The following ZW10 variants were observed in gnomAD, a reference collection of about 807,000 sequenced individuals.
The protein encoded by ZW10 is centromere/kinetochore protein zw10 homolog.
A neutral mutation model predicts 87.8 loss-of-function variants in ZW10; 53 were observed. The ratio of observed to expected loss-of-function variants is 0.60; its 90% CI spans 0.48 to 0.76. The LOEUF is 0.76. Ranked by LOEUF, ZW10 falls within the 30% of genes least tolerant of loss-of-function variation. The pLI, the probability that ZW10 is intolerant of heterozygous loss-of-function variation, is 0.00. For missense variants in ZW10, 837 were observed against 923.0 expected, an observed-to-expected ratio of 0.91 and a Z score of 1.21; for synonymous variants, 312 against 329.2, an observed-to-expected ratio of 0.95 and a Z score of 0.57.
At chr11:113,744,204 G>T (rs904150093) in intron 9 of ZW10, among the ~76,000 whole-genome samples, 164 bp from the exon 10 acceptor site, 3 of 152,112 alleles carry the variant, frequency 2.0e-5, no homozygotes, top group Non-Finnish European at 4.4e-5. Context: ...TGGCTAACAC[G>T]GTGAAACCCC....
At chr11:113,754,321 C>T (rs1343780334) in intron 7 of ZW10, among the ~76,000 whole-genome samples, 1 of 152,018 alleles carries the variant, frequency 6.6e-6, no homozygotes, top group Non-Finnish European at 1.5e-5. Context: ...CCCGTCTCTA[C>T]TAAAATTACA....
chr11:113,749,309 T>C (rs1035925722), intron 7 of ZW10, among the ~76,000 whole-genome samples: 2 of 152,258 alleles, frequency 1.3e-5, no homozygotes, highest in African/African-American at 4.8e-5. Context: ...AACCACATTT[T>C]GCTACTAAAC....
Position 113,748,405 on chromosome 11 carries a change from G to C in ZW10, c.941C>G (p.Thr314Ser), listed in dbSNP as rs369570229. 6 of 1,588,736 alleles carry C rather than the reference G, an allele frequency of 3.8e-6. No individual in the cohort carries two copies. The highest frequency in any genetic ancestry group is 5.1e-6 in the Non-Finnish European group (6 of 1,172,274). ...QKQLLDLPLD[T>S]DLENEKTSTV... ...AGATGTTTTTTCATTTTCCAGGTCA[G>C]TGTCAAGTGGCAAATCTGAATTTTT... The change falls in exon 8 of 16, where the codon ACT (threonine) becomes AGT (serine). Residue 314 changes from threonine to serine, a missense_variant. Transcript: ENST00000200135.
intron 2 of ZW10, 99 bp from the exon 3 acceptor site, chr11:113,761,017 T>C (rs1407961484): frequency 3.8e-5 from 33 of 876,398 alleles, no homozygotes; most frequent in South Asian, 6.8e-5. Context: ...TCAACATAAT[T>C]TATGTTGAAA....
intron 5 of ZW10, among the ~76,000 whole-genome samples, chr11:113,759,797 G>C (rs1953837445): frequency 6.6e-6 from 1 of 152,180 alleles, no homozygotes; most frequent in South Asian, 2.1e-4. Flanking sequence ...CTAAGCAAGA[G>C]AGAGAATGGC....
chr11:113,735,291 G>A (rs1343501945), intron 15 of ZW10, among the ~76,000 whole-genome samples: 1 of 152,148 alleles, frequency 6.6e-6, no homozygotes, highest in East Asian at 1.9e-4. Context: ...CTGCAAGAAA[G>A]CCCTTTAACA....
intron 1 of ZW10, among the ~76,000 whole-genome samples, chr11:113,772,457 A>G (rs1415486741): frequency 1.3e-5 from 2 of 152,192 alleles, no homozygotes; most frequent in Non-Finnish European, 2.9e-5. Context: ...GTGTGTGGCA[A>G]ACTTGCTCCC....
chr11:113,748,768 CTTAT>C (rs1376713957), intron 7 of ZW10, among the ~76,000 whole-genome samples: 1 of 152,150 alleles, frequency 6.6e-6, no homozygotes, highest in Non-Finnish European at 1.5e-5. Flanking sequence ...TAAAATCTCA[CTTAT>C]TTAATAATGA....
chr11:113,738,511 G>T, intron 12 of ZW10, 117 bp from the exon 13 acceptor site: 1 of 968,072 alleles, frequency 1.0e-6, no homozygotes. Context: ...AAAAATAATT[G>T]CTAGATAATA....
intron 2 of ZW10, among the ~76,000 whole-genome samples, chr11:113,761,486 G>A (rs1953859172): frequency 1.3e-5 from 2 of 152,056 alleles, no homozygotes; most frequent in Admixed American, 6.6e-5. Flanking sequence ...CTGCCATGTT[G>A]TCCAGGCTGG....
At chr11:113,771,526 AC>A (rs1953968211) in intron 1 of ZW10, 1 of 152,204 alleles carries the variant, frequency 6.6e-6, no homozygotes, top group Non-Finnish European at 1.5e-5. Flanking sequence ...GTGAAATCTT[AC>A]GTGTAATTGT....
At position 113,743,936 on chromosome 11, in the gene ZW10, C is replaced by T. The variant is rs771691956; in HGVS notation, c.1377G>A (p.Met459Ile). 1 of 1,614,198 alleles carries T rather than the reference C, an allele frequency of 6.2e-7. No individual in the cohort carries two copies. ...KVSNTQYHEV[M>I]NLEPENTLDQ... ...CCAATGTATTTTCAGGCTCTAAATT[C>T]ATCACTTCGTGGTACTGAGTATTGG... is the stretch of plus-strand genomic sequence containing the variant. The change falls in exon 10 of 16, where the codon ATG becomes ATA. Residue 459 changes from methionine to isoleucine, a missense_variant. Transcript: ENST00000200135.
At chr11:113,748,481 T>C in intron 7 of ZW10, 61 bp from the exon 8 acceptor site, 2 of 1,397,420 alleles carry the variant, frequency 1.4e-6, no homozygotes, top group Non-Finnish European at 1.9e-6. Flanking sequence ...GGAATATTCT[T>C]AGGTTTTCTA....
chr11:113,736,016 C>T (rs768948928), intron 15 of ZW10, among the ~76,000 whole-genome samples: 1 of 152,088 alleles, frequency 6.6e-6, no homozygotes, highest in African/African-American at 2.4e-5. Context: ...GTAATCCTAG[C>T]ACTTTGGGAG....
chr11:113,757,164 A>C (rs773698969), intron 7 of ZW10, among the ~76,000 whole-genome samples: 9 of 152,174 alleles, frequency 5.9e-5, no homozygotes, highest in Non-Finnish European at 7.4e-5. Context: ...ATGGTACAAC[A>C]ACCAAAAACA....
chr11:113,758,536 C>T lies in ZW10; in HGVS notation c.733+18G>A. On this transcript the variant is annotated intron_variant, in intron 6 of 15. Transcript: ENST00000200135. ...CTCAGGAGATTTTGTGTAAATGAAA[C>T]AAAGTAGCATGCCTTACCAAATGAT... 6.2e-7 allele frequency: 1 copy of T among 1,609,698 alleles called. No homozygotes were observed. Among genetic ancestry groups the T allele is most frequent in the Non-Finnish European group, 8.5e-7 (1 of 1,178,544 alleles).
At position 113,758,677 on chromosome 11, in the gene ZW10, T is replaced by C. The variant is rs1173728181; in HGVS notation, c.610A>G (p.Thr204Ala). Residue 204 changes from threonine (T) to alanine (A), a missense_variant, in exon 6 of 16, where the codon ACT becomes GCT. Transcript: ENST00000200135. Reference sequence around the variant, plus strand: ...TGTTCAGTGTATAAATGAAGTTCAGTTTGTAGGTAAGATTCCAAACTGCTG... The same window carrying C: ...TGTTCAGTGTATAAATGAAGTTCAGCTTGTAGGTAAGATTCCAAACTGCTG... ...DTSSLESYLQ[T>A]ELHLYTEQSH... 6.2e-7 allele frequency: 1 copy of C among 1,613,934 alleles called. No individual in the cohort carries two copies. The highest frequency in any genetic ancestry group is 8.5e-7 in the Non-Finnish European group (1 of 1,180,012).
At chr11:113,761,071 T>C (rs1953855819) in intron 2 of ZW10, among the ~76,000 whole-genome samples, 153 bp from the exon 3 acceptor site, 1 of 152,226 alleles carries the variant, frequency 6.6e-6, no homozygotes, top group Admixed American at 6.5e-5. Flanking sequence ...CAGAATGTAG[T>C]AGGAAGATAC....
chr11:113,734,869 G>A (rs899621611), intron 15 of ZW10, among the ~76,000 whole-genome samples: 1 of 151,860 alleles, frequency 6.6e-6, no homozygotes, highest in East Asian at 1.9e-4. Flanking sequence ...GCAAGTTACA[G>A]ATGATTCTAC....
Sources: gnomAD v4.1 joint callset for allele counts (sites outside exome capture counted in the v4.1 genomes callset) on GRCh38, gnomAD v4.1.1 for gene constraint, MANE v1.5 for transcripts, NCBI Gene and HGNC (gene_info 2026-07-23, HGNC 2026-07-21) for gene names.